PTPRD: variants seen among roughly 807,000 people sequenced by gnomAD.
The protein encoded by PTPRD is protein tyrosine phosphatase receptor type D.
Under a neutral mutation model 214.5 loss-of-function variants are expected in PTPRD, and 34 were observed. That is an observed-to-expected ratio of 0.16 (90% confidence interval 0.12 to 0.21). PTPRD has a LOEUF of 0.21. Ranked by LOEUF, PTPRD falls within the 10% of genes least tolerant of loss-of-function variation. The pLI is 1.00. For missense variants in PTPRD, 2,545 were observed against 2,398.7 expected (o/e 1.06, Z -1.27); for synonymous variants, 1,128 against 845.7 (o/e 1.33, Z -5.79).
At position 9,561,459 on chromosome 9, in the gene PTPRD, T is replaced by A. The variant is rs192853346; in HGVS notation, c.-237+13273A>T. Among the ~76,000 whole-genome samples the A allele has an allele frequency of 2.6e-3, 400 of 152,370 alleles. 2 individuals carry two copies. The highest frequency in any genetic ancestry group is 9.0e-3 in the African/African-American group (373 of 41,580). Reference sequence around the variant, plus strand: ...GCAGAATAAATCCATTCAAATATTTTACATAATTTGACTCTTTTTCATCAA... The same window carrying A: ...GCAGAATAAATCCATTCAAATATTTAACATAATTTGACTCTTTTTCATCAA... On this transcript the variant is annotated intron_variant, in intron 8 of 45. Coordinates refer to ENST00000381196, the MANE Select transcript of PTPRD (RefSeq NM_002839.4).
At chr9:9,488,344 T>C (rs1335220673) in intron 8 of PTPRD, among the ~76,000 whole-genome samples, 1 of 152,174 alleles carries the variant, frequency 6.6e-6, no homozygotes, top group Non-Finnish European at 1.5e-5. Flanking sequence ...CTGCTTTTCA[T>C]CAAGAGGCCT....
At chr9:10,329,879 CAT>C (rs1403160376) in intron 3 of PTPRD, among the ~76,000 whole-genome samples, 2 of 151,736 alleles carry the variant, frequency 1.3e-5, no homozygotes, top group Non-Finnish European at 2.9e-5. Context: ...CATAGTCTGT[CAT>C]GTATAAAAAA....
At chr9:9,094,447 C>A (rs1029479071) in intron 10 of PTPRD, among the ~76,000 whole-genome samples, 1 of 152,086 alleles carries the variant, frequency 6.6e-6, no homozygotes, top group African/African-American at 2.4e-5. Context: ...TATGTTCCCA[C>A]TTATAAGTGG....
At chr9:9,511,214 A>C (rs1489141238) in intron 8 of PTPRD, among the ~76,000 whole-genome samples, 2 of 151,782 alleles carry the variant, frequency 1.3e-5, no homozygotes, top group African/African-American at 4.8e-5. Context: ...CTATGTAGTA[A>C]ATGGAGACAT....
chr9:8,860,245 G>C (rs1224720611), intron 11 of PTPRD: 3 of 152,210 alleles, frequency 2.0e-5, no homozygotes, highest in African/African-American at 7.2e-5. Context: ...AACCCAGCTG[G>C]TAAATCTGAC....
intron 11 of PTPRD, among the ~76,000 whole-genome samples, chr9:8,818,503 T>C (rs546758025): frequency 6.6e-6 from 1 of 152,346 alleles, no homozygotes; most frequent in African/African-American, 2.4e-5. Flanking sequence ...CATATACAAA[T>C]GTCTTCAATT....
At chr9:10,210,771 TTA>T in intron 3 of PTPRD, among the ~76,000 whole-genome samples, 1 of 125,384 alleles carries the variant, frequency 8.0e-6, no homozygotes, top group South Asian at 2.4e-4. Flanking sequence ...TATATAATGT[TTA>T]TATATATAAA....
chr9:8,788,747 C>G (rs1800754876), intron 11 of PTPRD, among the ~76,000 whole-genome samples: 1 of 152,038 alleles, frequency 6.6e-6, no homozygotes. Context: ...AAAAATAGCC[C>G]AAGTCAATCC....
chr9:9,726,354 G>A (rs2098090923), intron 7 of PTPRD, among the ~76,000 whole-genome samples: 1 of 152,122 alleles, frequency 6.6e-6, no homozygotes, highest in African/African-American at 2.4e-5. Context: ...AGTAAGAAAT[G>A]AAGATAAAGT....
chr9:9,985,447 A>G (rs891732596), intron 4 of PTPRD, among the ~76,000 whole-genome samples: 1 of 152,166 alleles, frequency 6.6e-6, no homozygotes, highest in Non-Finnish European at 1.5e-5. Context: ...TTTTATTTAC[A>G]ACATGCTGGG....
chr9:10,126,552 A>G (rs1042051000), intron 3 of PTPRD, among the ~76,000 whole-genome samples: 3 of 151,944 alleles, frequency 2.0e-5, no homozygotes, highest in Non-Finnish European at 4.4e-5. Flanking sequence ...TGACCACATC[A>G]ATGTTGTTAT....
In PTPRD at chr9:8,733,783, C is replaced by T. The variant is rs2098687440; in HGVS notation, c.61G>A (p.Glu21Lys). Residue 21 changes from glutamate to lysine, a missense_variant, in exon 12 of 46, where the codon GAG becomes AAG. Physicochemically the swap from Glu to Lys is moderately conservative, Grantham distance 56. Coordinates refer to ENST00000381196, the MANE Select transcript of PTPRD (RefSeq NM_002839.4). ...LLTFFLRTDAETPPRFTRTPV... is the reference protein window; with the variant it reads ...LLTFFLRTDAKTPPRFTRTPV... ...AGAGAAGGGGAGAATGGCTTACTCT[C>T]AGCATCCGTGCGGAGGAAGAAAGTG... The T allele has an allele frequency of 6.4e-7, 1 of 1,552,570 alleles. No homozygotes were observed. The highest frequency in any genetic ancestry group is 1.2e-5 in the South Asian group (1 of 84,092).
At chr9:8,407,410 T>G (rs767376506) in intron 35 of PTPRD, among the ~76,000 whole-genome samples, 1 of 152,196 alleles carries the variant, frequency 6.6e-6, no homozygotes, top group Non-Finnish European at 1.5e-5. Flanking sequence ...TACTTGGTAC[T>G]TAAGTAATTT....
chr9:9,309,898 C>A (rs1958372333), intron 9 of PTPRD, among the ~76,000 whole-genome samples: 1 of 152,056 alleles, frequency 6.6e-6, no homozygotes, highest in Non-Finnish European at 1.5e-5. Flanking sequence ...TTAAATAGGA[C>A]TCTGTCTGCT....
intron 10 of PTPRD, among the ~76,000 whole-genome samples, chr9:9,117,982 T>C (rs541922794): frequency 2.0e-5 from 3 of 152,098 alleles, no homozygotes; most frequent in Non-Finnish European, 4.4e-5. Flanking sequence ...ATTACAACTA[T>C]AAATTTAACT....
chr9:9,142,197 C>A (rs2099861631), intron 10 of PTPRD, among the ~76,000 whole-genome samples: 1 of 152,176 alleles, frequency 6.6e-6, no homozygotes, highest in Non-Finnish European at 1.5e-5. Context: ...AGGCAAATCC[C>A]ATAGAAGCCC....
intron 9 of PTPRD, among the ~76,000 whole-genome samples, chr9:9,189,654 G>A (rs2099933883): frequency 6.6e-6 from 1 of 151,966 alleles, no homozygotes; most frequent in South Asian, 2.1e-4. Context: ...GACAGGAACT[G>A]CTTTTATTTT....
At position 10,055,880 on chromosome 9, in the gene PTPRD, TAA is replaced by T. The variant is rs34351427; in HGVS notation, c.-544-22092_-544-22091del. Among the ~76,000 whole-genome samples, 246 of 150,774 alleles carry T rather than the reference TAA, an allele frequency of 1.6e-3. 1 individual carries two copies. The highest frequency in any genetic ancestry group is 3.4e-3 in the Middle Eastern group (1 of 290). The stretch of plus-strand genomic sequence containing the variant: ...TACATTATGTGTGTGTATATATATA[TAA>T]ATGTATAATGTATAAATGAGTGTGT... On this transcript the variant is annotated intron_variant, in intron 3 of 45. Coordinates refer to ENST00000381196, the MANE Select transcript of PTPRD (RefSeq NM_002839.4).
intron 14 of PTPRD, among the ~76,000 whole-genome samples, chr9:8,631,361 G>C (rs1283299275): frequency 1.3e-5 from 2 of 151,748 alleles, no homozygotes; most frequent in Non-Finnish European, 2.9e-5. Context: ...CTGTGGATCA[G>C]AGACTATGAT....
Sources: allele counts gnomAD v4.1 joint callset (sites outside exome capture counted in the v4.1 genomes callset), GRCh38; gene constraint gnomAD v4.1.1; transcripts MANE v1.5; gene names NCBI Gene and HGNC (gene_info 2026-07-23, HGNC 2026-07-21).